Variants in SMIM31 observed in about 807,000 individuals in gnomAD.
SMIM31 encodes small integral membrane protein 31, also known as human epithelial cell program regulator.
intron 1 of SMIM31, among the ~76,000 whole-genome samples, chr4:164,756,153 G>T (rs1732557685): frequency 6.6e-6 from 1 of 152,140 alleles, no homozygotes; most frequent in Non-Finnish European, 1.5e-5. Flanking sequence ...TTAGTGTTAT[G>T]ATTCAATGAA....
chr4:164,783,204 C>A (rs1195352237), intron 2 of SMIM31, among the ~76,000 whole-genome samples: 22 of 116,612 alleles, frequency 1.9e-4, no homozygotes, highest in Non-Finnish European at 3.5e-4. Context: ...GGCAACATAG[C>A]AAGACTCTGT....
chr4:164,772,703 C>G (rs1468022318), intron 2 of SMIM31, among the ~76,000 whole-genome samples: 2 of 151,554 alleles, frequency 1.3e-5, no homozygotes, highest in African/African-American at 2.4e-5. Flanking sequence ...CTCAGCCTCC[C>G]GTGTAGCTGG....
chr4:164,770,251 A>G (rs1732775486), intron 1 of SMIM31, among the ~76,000 whole-genome samples, 168 bp from the exon 2 acceptor site: 1 of 152,242 alleles, frequency 6.6e-6, no homozygotes, highest in Admixed American at 6.5e-5. Context: ...CAAAACAACA[A>G]GAGCACAGTC....
intron 2 of SMIM31, among the ~76,000 whole-genome samples, chr4:164,786,081 A>G (rs1415959703): frequency 1.3e-5 from 2 of 152,174 alleles, no homozygotes; most frequent in Non-Finnish European, 2.9e-5. Flanking sequence ...TTTAAATCTA[A>G]ATATTATAAC....
At chr4:164,767,219 C>T (rs1404988177) in intron 1 of SMIM31, among the ~76,000 whole-genome samples, 2 of 152,120 alleles carry the variant, frequency 1.3e-5, no homozygotes, top group Non-Finnish European at 2.9e-5. Context: ...AGTAGGAATA[C>T]AGAATGGTAG....
chr4:164,783,531 GAAA>G (rs67784042), intron 2 of SMIM31, among the ~76,000 whole-genome samples: 96 of 114,600 alleles, frequency 8.4e-4, no homozygotes, highest in East Asian at 1.2e-3. Flanking sequence ...CTCAAAAAAA[GAAA>G]AAAAAAAAAA....
intron 2 of SMIM31, among the ~76,000 whole-genome samples, chr4:164,796,539 T>C (rs1464818571): frequency 1.3e-5 from 2 of 152,214 alleles, no homozygotes; most frequent in Non-Finnish European, 1.5e-5. Context: ...TTTGTATCTC[T>C]AGCCTAGACC....
intron 2 of SMIM31, among the ~76,000 whole-genome samples, chr4:164,780,381 T>A (rs1003245789): frequency 6.6e-6 from 1 of 152,132 alleles, no homozygotes; most frequent in Non-Finnish European, 1.5e-5. Flanking sequence ...GAGCCGAGAT[T>A]GCGCCACTGC....
intron 2 of SMIM31, among the ~76,000 whole-genome samples, chr4:164,785,695 A>G (rs1733018029): frequency 6.6e-6 from 1 of 151,822 alleles, no homozygotes; most frequent in South Asian, 2.1e-4. Flanking sequence ...TTCAGTGTTC[A>G]GCTATGCAAT....
chr4:164,775,350 T>G (rs73875011), intron 2 of SMIM31, among the ~76,000 whole-genome samples: 1,828 of 152,336 alleles, frequency 0.012, 33 homozygotes, highest in African/African-American at 0.04. Context: ...TTTCAACTCC[T>G]TGTTCTTTGT....
chr4:164,777,023 T>A (rs1732887336), intron 2 of SMIM31, among the ~76,000 whole-genome samples: 1 of 152,190 alleles, frequency 6.6e-6, no homozygotes, highest in Non-Finnish European at 1.5e-5. Flanking sequence ...ACAGGCTGAT[T>A]TACGCAAAAA....
At chr4:164,775,623 T>C (rs775194231) in intron 2 of SMIM31, among the ~76,000 whole-genome samples, 1 of 152,210 alleles carries the variant, frequency 6.6e-6, no homozygotes, top group Non-Finnish European at 1.5e-5. Context: ...TGCTTACTTG[T>C]GCGCACACGT....
chr4:164,783,750 C>T (rs1020233508), intron 2 of SMIM31, among the ~76,000 whole-genome samples: 6 of 151,922 alleles, frequency 3.9e-5, no homozygotes, highest in African/African-American at 1.5e-4. Context: ...GACCACATCC[C>T]CCACCTCCAT....
chr4:164,782,537 C>T (rs1560829220), intron 2 of SMIM31, among the ~76,000 whole-genome samples: 1 of 149,032 alleles, frequency 6.7e-6, no homozygotes, highest in Non-Finnish European at 1.5e-5. Context: ...CCCCACCACG[C>T]CCGGCTAATT....
At chr4:164,782,847 A>G (rs1732973250) in intron 2 of SMIM31, among the ~76,000 whole-genome samples, 1 of 152,152 alleles carries the variant, frequency 6.6e-6, no homozygotes, top group Non-Finnish European at 1.5e-5. Context: ...GTTTTTAAAG[A>G]CTTTATAATA....
At chr4:164,773,895 G>T (rs565220293) in intron 2 of SMIM31, among the ~76,000 whole-genome samples, 2 of 152,232 alleles carry the variant, frequency 1.3e-5, no homozygotes, top group East Asian at 3.9e-4. Context: ...GGCTGGGTGC[G>T]GTGGCTCACG....
intron 1 of SMIM31, among the ~76,000 whole-genome samples, chr4:164,758,622 CTTTTTTTGTTTTTTTTT>C (rs1357821394): frequency 2.1e-4 from 22 of 105,390 alleles, no homozygotes; most frequent in Non-Finnish European, 3.1e-4. Flanking sequence ...TGTAGTTTTC[CTTTTTTTGTTTTTTTTT>C]TTTTTTTTTT....
chr4:164,777,362 T>A (rs1344852144), intron 2 of SMIM31, among the ~76,000 whole-genome samples: 1 of 152,250 alleles, frequency 6.6e-6, no homozygotes, highest in Non-Finnish European at 1.5e-5. Flanking sequence ...TTTCTTAAAT[T>A]ATATAGAATC....
At chr4:164,765,624 GAAAAAAAA>G (rs200574845) in intron 1 of SMIM31, among the ~76,000 whole-genome samples, 2 of 94,480 alleles carry the variant, frequency 2.1e-5, no homozygotes, top group African/African-American at 6.9e-5. Flanking sequence ...CTTTGTCTCA[GAAAAAAAA>G]AAAAAAAAAA....
Sources: allele counts gnomAD v4.1 joint callset (sites outside exome capture counted in the v4.1 genomes callset), GRCh38; gene constraint gnomAD v4.1.1; transcripts MANE v1.5; gene names NCBI Gene and HGNC (gene_info 2026-07-23, HGNC 2026-07-21).